The following CAPN6 variants were observed in gnomAD, a reference collection of about 807,000 sequenced individuals.
CAPN6 encodes calpain 6, also known as calpain-6.
CAPN6 carries 16 observed loss-of-function variants against 46.0 expected under a neutral mutation model. The observed-to-expected ratio is 0.35, with a 90% CI of 0.24 to 0.53. CAPN6 has a LOEUF of 0.53. Among genes scored for constraint, CAPN6 ranks in the 20% least tolerant of loss-of-function variants. The probability of loss-of-function intolerance (pLI) is 0.94; values close to 1 mark genes in which losing one functional copy is unlikely to be tolerated. For missense variants in CAPN6, 461 were observed against 498.0 expected (o/e 0.93, Z 0.71); for synonymous variants, 206 against 172.8 (o/e 1.19, Z -1.51).
At chrX:111,263,392 AT>A (rs1048643277) in intron 2 of CAPN6, among the ~76,000 whole-genome samples, 1 of 111,599 alleles carries the variant, frequency 9.0e-6, no homozygotes, top group Non-Finnish European at 1.9e-5. Context: ...GGTACAGTGT[AT>A]TTTTTTGTTG....
At chrX:111,246,960 G>A (rs187365172) in intron 12 of CAPN6, among the ~76,000 whole-genome samples, 1 of 112,052 alleles carries the variant, frequency 8.9e-6, no homozygotes, top group African/African-American at 3.2e-5. Context: ...CAGAATCTCC[G>A]GGTCGTTCTT....
At position 111,270,392 on chromosome X, in the gene CAPN6, G is replaced by A. The variant is rs1307506624; in HGVS notation, c.-37C>T. On this transcript the variant is annotated 5_prime_UTR_variant, in exon 1 of 13. Transcript: ENST00000324068. ...TCACCTGAGTTATCCCAGGAGCCCT[G>A]CTGCTGCTGCTGCTGCTGCTGCTGC... 1 of 180,106 alleles carries A rather than the reference G, an allele frequency of 5.6e-6. No homozygotes were observed. Among genetic ancestry groups the A allele is most frequent in the East Asian group, 1.9e-4 (1 of 5,143 alleles). The allele number at this position is 180,106 out of a possible 1,213,427, so 14.8% of individuals were successfully genotyped here.
Position 111,263,707 on chromosome X carries a change from A to G in CAPN6, c.165+65T>C, listed in dbSNP as rs2094989755. The G allele has an allele frequency of 3.0e-6, 3 of 986,904 alleles. No individual in the cohort carries two copies. In the Middle Eastern group the frequency reaches 8.0e-4, roughly 265 times the overall value. The allele number at this position is 986,904 out of a possible 1,213,427, so 81.3% of individuals were successfully genotyped here. On this transcript the variant is annotated intron_variant, in intron 2 of 12. Coordinates refer to ENST00000324068, the MANE Select transcript of CAPN6 (RefSeq NM_014289.4). ...ACACAGTAGGCTTTGTAAGTGAAAC[A>G]GTGGATCACGTAGAAGTATGATGAA...
At position 111,257,133 on chromosome X, in the gene CAPN6, C is replaced by T. The variant is rs189970414; in HGVS notation, c.166-2730G>A. The stretch of plus-strand genomic sequence containing the variant: ...TTTTATTTTTCAGAACCACATATGG[C>T]TAGAGAAAGAAGCTGAAGACCTCAG... On this transcript the variant is annotated intron_variant, in intron 2 of 12. Coordinates refer to ENST00000324068, the MANE Select transcript of CAPN6 (RefSeq NM_014289.4). Among the ~76,000 whole-genome samples the T allele has an allele frequency of 2.0e-4, 22 of 111,434 alleles. No homozygotes were observed. The East Asian group carries it at 5.9e-3, about 30-fold the overall frequency.
Position 111,246,346 on chromosome X carries a change from A to T in CAPN6, c.*231T>A. ...GATCCTTTCTTGGCAAATGTGTATG[A>T]TGTCTAGATAGGACTGTCGCCTCCC... On this transcript the variant is annotated 3_prime_UTR_variant, in exon 13 of 13. Transcript: ENST00000324068. 2.6e-6 allele frequency: 1 copy of T among 383,226 alleles called. No homozygotes were observed. The highest frequency in any genetic ancestry group is 4.5e-6 in the Non-Finnish European group (1 of 221,417). The allele number at this position is 383,226 out of a possible 1,213,427, so 31.6% of individuals were successfully genotyped here. A position where few individuals can be genotyped will look rare whatever the true frequency, so the allele number is the denominator to read the frequency against.
intron 12 of CAPN6, among the ~76,000 whole-genome samples, chrX:111,246,965 G>A (rs17885381): frequency 0.011 from 1,205 of 112,054 alleles, 15 homozygotes; most frequent in African/African-American, 0.036. Context: ...TCTCCGGGTC[G>A]TTCTTGACCT....
At chrX:111,265,786 T>A (rs1049450476) in intron 1 of CAPN6, among the ~76,000 whole-genome samples, 3 of 111,650 alleles carry the variant, frequency 2.7e-5, no homozygotes, top group African/African-American at 9.8e-5. Flanking sequence ...TCCCTGGACA[T>A]TCTGGATAAA....
intron 2 of CAPN6, among the ~76,000 whole-genome samples, chrX:111,257,810 G>A (rs2094985039): frequency 9.0e-6 from 1 of 111,547 alleles, no homozygotes; most frequent in Non-Finnish European, 1.9e-5. Flanking sequence ...CAACATTTGG[G>A]TGGCTTAGGA....
At chrX:111,247,260 A>C in intron 12 of CAPN6, 108 bp downstream of exon 12, 1 of 753,983 alleles carries the variant, frequency 1.3e-6, no homozygotes, top group Non-Finnish European at 1.9e-6. Context: ...AAACCAAAAA[A>C]TACGATAATT....
In CAPN6 at chrX:111,247,430, C is replaced by T. The variant is rs768494292; in HGVS notation, c.1681G>A (p.Ala561Thr). 8.3e-7 allele frequency: 1 copy of T among 1,207,943 alleles called. No individual in the cohort carries two copies. The highest frequency in any genetic ancestry group is 2.2e-5 in the Admixed American group (1 of 45,794). Residue 561 changes from alanine (A) to threonine (T), a missense_variant, in exon 12 of 13, where the codon GCC (alanine) becomes ACC (threonine). Transcript: ENST00000324068. ...RSPVQKNTVH[A>T]IFDTQAIFYR... The stretch of plus-strand genomic sequence containing the variant: ...AAAATGGCCTGGGTGTCAAAAATGG[C>T]ATGAACTGTATTCTTCTGGACAGGA...
intron 1 of CAPN6, among the ~76,000 whole-genome samples, chrX:111,266,020 GACGGAAC>G (rs775201520): frequency 9.1e-6 from 1 of 110,494 alleles, no homozygotes; most frequent in Non-Finnish European, 1.9e-5. Flanking sequence ...ATTACAGCTT[GACGGAAC>G]ACCTTTTGGG....
At chrX:111,264,124 C>A (rs776806265) in intron 1 of CAPN6, among the ~76,000 whole-genome samples, 173 bp from the exon 2 acceptor site, 1 of 111,678 alleles carries the variant, frequency 9.0e-6, no homozygotes, top group African/African-American at 3.3e-5. Flanking sequence ...GTCCACACTC[C>A]GCAACTAATT....
intron 6 of CAPN6, 105 bp downstream of exon 6, chrX:111,251,444 A>G (rs1215525455): frequency 3.4e-6 from 3 of 894,861 alleles, no homozygotes; most frequent in African/African-American, 2.0e-5. Context: ...ACAAAAGCCC[A>G]CAGATGTCAC....
chrX:111,250,813 A>G, intron 8 of CAPN6, 104 bp downstream of exon 8: 1 of 779,580 alleles, frequency 1.3e-6, no homozygotes, highest in Non-Finnish European at 1.9e-6. Flanking sequence ...ATAGCTGCAA[A>G]AGGAAGATTT....
At chrX:111,255,951 A>C (rs2147534227) in intron 2 of CAPN6, among the ~76,000 whole-genome samples, 1 of 111,645 alleles carries the variant, frequency 9.0e-6, no homozygotes, top group East Asian at 2.8e-4. Context: ...CTTTGTTTTC[A>C]CTTGTTGAAC....
chrX:111,263,284 A>G (rs2094989347), intron 2 of CAPN6, among the ~76,000 whole-genome samples: 1 of 112,264 alleles, frequency 8.9e-6, no homozygotes, highest in African/African-American at 3.2e-5. Flanking sequence ...ATCATAAATT[A>G]CTACTCACCA....
chrX:111,269,155 C>A (rs2094994187), intron 1 of CAPN6, among the ~76,000 whole-genome samples: 1 of 111,487 alleles, frequency 9.0e-6, no homozygotes, highest in African/African-American at 3.3e-5. Context: ...TATGGAAAGC[C>A]TGCTTTTTAA....
chrX:111,261,558 A>G (rs1334702181), intron 2 of CAPN6, among the ~76,000 whole-genome samples: 1 of 112,460 alleles, frequency 8.9e-6, no homozygotes, highest in Non-Finnish European at 1.9e-5. Context: ...TAGAAGGGCT[A>G]TTGTTTGCCT....
At position 111,270,405 on chromosome X, in the gene CAPN6, C is replaced by T. The variant is rs2094995173; in HGVS notation, c.-50G>A. 3 of 349,687 alleles carry T rather than the reference C, an allele frequency of 8.6e-6. No homozygotes were observed. The highest frequency in any genetic ancestry group is 2.2e-5 in the African/African-American group (1 of 45,036). 28.8% of individuals were successfully genotyped at this position (349,687 alleles called of 1,213,427 possible). On this transcript the variant is annotated 5_prime_UTR_variant, in exon 1 of 13. Coordinates refer to ENST00000324068, the MANE Select transcript of CAPN6 (RefSeq NM_014289.4). ...CCCAGGAGCCCTGCTGCTGCTGCTG[C>T]TGCTGCTGCTGCTGCTGCTGCCGTT...
Sources: gnomAD v4.1 joint callset for allele counts (sites outside exome capture counted in the v4.1 genomes callset) on GRCh38, gnomAD v4.1.1 for gene constraint, MANE v1.5 for transcripts, NCBI Gene and HGNC (gene_info 2026-07-23, HGNC 2026-07-21) for gene names.